The following ZFPM2 variants were observed in gnomAD, a reference collection of about 807,000 sequenced individuals.
ZFPM2 encodes zinc finger protein, FOG family member 2.
A neutral mutation model predicts 98.6 loss-of-function variants in ZFPM2; 20 were observed. The observed-to-expected ratio is 0.20, with a 90% CI of 0.14 to 0.29. The LOEUF is 0.29. Ranked by LOEUF, ZFPM2 falls within the 10% of genes least tolerant of loss-of-function variation. The pLI is 1.00. For synonymous variants in ZFPM2, 518 were observed against 502.7 expected, an observed-to-expected ratio of 1.03 and a Z score of -0.41; for missense variants, 1,310 against 1,388.6, an observed-to-expected ratio of 0.94 and a Z score of 0.90.
chr8:105,352,293 C>A (rs1018673898), intron 1 of ZFPM2, among the ~76,000 whole-genome samples: 2 of 152,242 alleles, frequency 1.3e-5, no homozygotes, highest in South Asian at 4.2e-4. Context: ...GTTTTAAATA[C>A]CGAATTAAAA....
chr8:105,538,185 C>T (rs1814498068), intron 3 of ZFPM2, among the ~76,000 whole-genome samples: 1 of 151,926 alleles, frequency 6.6e-6, no homozygotes, highest in Non-Finnish European at 1.5e-5. Flanking sequence ...TAAGTCCCAA[C>T]CATACCCAGG....
chr8:105,711,061 T>A (rs1811382132), intron 5 of ZFPM2, among the ~76,000 whole-genome samples: 2 of 152,108 alleles, frequency 1.3e-5, no homozygotes, highest in South Asian at 2.1e-4. Context: ...TAAGGTTTTT[T>A]AAAAGTATTC....
chr8:105,373,761 A>G (rs1278028633), intron 1 of ZFPM2, among the ~76,000 whole-genome samples: 4 of 152,220 alleles, frequency 2.6e-5, no homozygotes, highest in African/African-American at 9.6e-5. Context: ...ATGTTTTTTT[A>G]GTACATTAAA....
At chr8:105,689,611 G>A (rs551111779) in intron 5 of ZFPM2, among the ~76,000 whole-genome samples, 8 of 152,298 alleles carry the variant, frequency 5.3e-5, no homozygotes, top group Non-Finnish European at 1.2e-4. Context: ...GTTGAAAACT[G>A]TTGAATCAGG....
intron 1 of ZFPM2, among the ~76,000 whole-genome samples, chr8:105,359,259 G>A (rs551699033): frequency 6.6e-6 from 1 of 151,924 alleles, no homozygotes; most frequent in Non-Finnish European, 1.5e-5. Flanking sequence ...ATGATTGTAA[G>A]TTTCCTGAGG....
chr8:105,389,398 G>A (rs186737193), intron 1 of ZFPM2, among the ~76,000 whole-genome samples: 138 of 152,138 alleles, frequency 9.1e-4, no homozygotes, highest in Middle Eastern at 6.8e-3. Flanking sequence ...AAAATCAGAG[G>A]GGGAAATAGT....
intron 1 of ZFPM2, among the ~76,000 whole-genome samples, chr8:105,399,070 G>T (rs1024716172): frequency 1.3e-5 from 2 of 152,164 alleles, no homozygotes; most frequent in Non-Finnish European, 2.9e-5. Flanking sequence ...AAAGAGGGTT[G>T]ATGTGCCAAG....
intron 2 of ZFPM2, among the ~76,000 whole-genome samples, chr8:105,434,788 AG>A (rs1173850829): frequency 6.6e-6 from 1 of 152,210 alleles, no homozygotes; most frequent in Non-Finnish European, 1.5e-5. Flanking sequence ...TTTCTATAAG[AG>A]GTTAATATTG....
intron 1 of ZFPM2, among the ~76,000 whole-genome samples, chr8:105,333,611 A>G (rs1812273669): frequency 1.3e-5 from 2 of 151,726 alleles, no homozygotes; most frequent in Non-Finnish European, 1.5e-5. Flanking sequence ...CATATCCCAT[A>G]GAAACCCTCA....
chr8:105,657,002 G>T (rs1817298676), intron 5 of ZFPM2, among the ~76,000 whole-genome samples: 1 of 151,886 alleles, frequency 6.6e-6, no homozygotes, highest in South Asian at 2.1e-4. Flanking sequence ...CTTTTTTGTT[G>T]CCCTAGTTTC....
At chr8:105,703,229 A>G (rs952945212) in intron 5 of ZFPM2, among the ~76,000 whole-genome samples, 1 of 152,234 alleles carries the variant, frequency 6.6e-6, no homozygotes, top group African/African-American at 2.4e-5. Context: ...AGATAATACC[A>G]TAACATATAT....
At position 105,798,631 on chromosome 8, in the gene ZFPM2, G is replaced by A. The variant is rs182847612; in HGVS notation, c.740-93G>A. 9.9e-4 allele frequency: 1,035 copies of A among 1,041,396 alleles called. 1 individual carries two copies. The African/African-American group carries it at 0.012, about 12-fold the overall frequency. 64.5% of individuals were successfully genotyped at this position (1,041,396 alleles called of 1,614,324 possible). Reference sequence around the variant, plus strand: ...ATTGCCCAATTAAGAACCTGAGAGCGGAGTCTGAGAAAAATTGAACTAAAT... The same window carrying A: ...ATTGCCCAATTAAGAACCTGAGAGCAGAGTCTGAGAAAAATTGAACTAAAT... On this transcript the variant is annotated intron_variant, in intron 6 of 7. Transcript: ENST00000407775.
At chr8:105,375,751 T>A (rs1431127406) in intron 1 of ZFPM2, among the ~76,000 whole-genome samples, 1 of 152,182 alleles carries the variant, frequency 6.6e-6, no homozygotes, top group African/African-American at 2.4e-5. Flanking sequence ...GAAAGAAAAT[T>A]GGCTTATAAT....
chr8:105,421,743 G>C lies in ZFPM2; in HGVS notation c.199+2441G>C, dbSNP rs567532204. 3.9e-5 allele frequency among the ~76,000 whole-genome samples: 6 copies of C among 152,250 alleles called. No individual in the cohort carries two copies. The South Asian group carries it at 1.2e-3, about 32-fold the overall frequency. The stretch of plus-strand genomic sequence containing the variant: ...TTTTATTGCCAATTGTGAGGAAGAG[G>C]ACAGATTAGCAATTAAAAGAGTAGA... On this transcript the variant is annotated intron_variant, in intron 2 of 7. Transcript: ENST00000407775.
chr8:105,684,243 G>C (rs553099801), intron 5 of ZFPM2, among the ~76,000 whole-genome samples: 2 of 151,976 alleles, frequency 1.3e-5, no homozygotes, highest in African/African-American at 4.8e-5. Context: ...TGTTATATAC[G>C]TCCCTTCCTT....
chr8:105,735,708 G>C (rs1812052263), intron 5 of ZFPM2, among the ~76,000 whole-genome samples: 1 of 151,874 alleles, frequency 6.6e-6, no homozygotes, highest in South Asian at 2.1e-4. Flanking sequence ...TATATACTTT[G>C]AGTCATTTTT....
At chr8:105,633,102 G>A (rs910137854) in intron 4 of ZFPM2, among the ~76,000 whole-genome samples, 1 of 152,212 alleles carries the variant, frequency 6.6e-6, no homozygotes, top group African/African-American at 2.4e-5. Context: ...TGAGGCAGGT[G>A]AAATGGGTTT....
chr8:105,756,798 A>G (rs1812609087), intron 5 of ZFPM2, among the ~76,000 whole-genome samples: 1 of 152,104 alleles, frequency 6.6e-6, no homozygotes, highest in African/African-American at 2.4e-5. Flanking sequence ...CATTGGCAGT[A>G]TTGCAAAAAG....
chr8:105,796,409 C>G (rs1813817128), intron 6 of ZFPM2, among the ~76,000 whole-genome samples: 1 of 152,156 alleles, frequency 6.6e-6, no homozygotes, highest in African/African-American at 2.4e-5. Flanking sequence ...TAAATTCATC[C>G]TGCTTAAATG....
Sources: gnomAD v4.1 joint callset for allele counts (sites outside exome capture counted in the v4.1 genomes callset) on GRCh38, gnomAD v4.1.1 for gene constraint, MANE v1.5 for transcripts, NCBI Gene and HGNC (gene_info 2026-07-23, HGNC 2026-07-21) for gene names.